Variants in NPAS3 observed in about 807,000 individuals in gnomAD.
NPAS3 encodes the protein neuronal PAS domain-containing protein 3.
NPAS3 carries 14 observed loss-of-function variants against 73.1 expected under a neutral mutation model. The ratio of observed to expected loss-of-function variants is 0.19; its 90% CI spans 0.13 to 0.30. NPAS3 has a LOEUF of 0.30. NPAS3 is among the 10% of genes least tolerant of loss of function. NPAS3 has a pLI of 1.00. For synonymous variants in NPAS3, 620 were observed against 541.5 expected (o/e 1.14, Z -2.01); for missense variants, 1,096 against 1,250.0 (o/e 0.88, Z 1.86).
intron 5 of NPAS3, among the ~76,000 whole-genome samples, chr14:33,612,796 G>T (rs2057792372): frequency 6.6e-6 from 1 of 152,116 alleles, no homozygotes; most frequent in African/African-American, 2.4e-5. Flanking sequence ...TTATCCCATA[G>T]AAACATGTGT....
chr14:33,784,745 A>ATTTTTTTTTTTTATTTTTTTTTT (rs2063103673), intron 9 of NPAS3, among the ~76,000 whole-genome samples: 2 of 73,856 alleles, frequency 2.7e-5, no homozygotes, highest in African/African-American at 1.2e-4. Context: ...TTATTTATTT[A>ATTTTTTTTTTTTATTTTTTTTTT]TTTTTTTTTT....
chr14:33,704,308 T>G (rs1195856531), intron 6 of NPAS3, among the ~76,000 whole-genome samples: 11 of 152,254 alleles, frequency 7.2e-5, no homozygotes, highest in Admixed American at 7.2e-4. Context: ...TTTTAAGTTC[T>G]TGTAACAACA....
intron 7 of NPAS3, among the ~76,000 whole-genome samples, chr14:33,740,468 A>G (rs779002571): frequency 6.6e-6 from 1 of 152,192 alleles, no homozygotes; most frequent in African/African-American, 2.4e-5. Flanking sequence ...ATTGAATTGC[A>G]TGCTCTCTTT....
chr14:33,777,501 T>C (rs910492626), intron 8 of NPAS3, among the ~76,000 whole-genome samples: 2 of 152,052 alleles, frequency 1.3e-5, no homozygotes, highest in African/African-American at 4.8e-5. Flanking sequence ...ATGTGTTTCT[T>C]AAATGTGTCA....
intron 1 of NPAS3, among the ~76,000 whole-genome samples, chr14:32,990,873 G>T (rs1480858624): frequency 2.6e-5 from 4 of 151,870 alleles, no homozygotes; most frequent in Non-Finnish European, 5.9e-5. Flanking sequence ...GCTGCAGTGA[G>T]CTATGATCAT....
At chr14:32,950,081 T>A (rs2036422473) in intron 1 of NPAS3, among the ~76,000 whole-genome samples, 1 of 152,196 alleles carries the variant, frequency 6.6e-6, no homozygotes, top group South Asian at 2.1e-4. Context: ...CCATATGAAC[T>A]TAACATTTAA....
At chr14:33,285,835 A>G (rs540722874) in intron 3 of NPAS3, among the ~76,000 whole-genome samples, 1 of 152,254 alleles carries the variant, frequency 6.6e-6, no homozygotes, top group South Asian at 2.1e-4. Flanking sequence ...AGGAGTCCAA[A>G]TAGAATTGAA....
intron 5 of NPAS3, among the ~76,000 whole-genome samples, chr14:33,663,645 T>C (rs1235715298): frequency 5.3e-5 from 8 of 152,170 alleles, no homozygotes; most frequent in Non-Finnish European, 8.8e-5. Context: ...GTACCTCTGG[T>C]AGAATTCAGC....
chr14:33,790,063 A>G (rs1879919871), intron 9 of NPAS3, among the ~76,000 whole-genome samples: 1 of 152,188 alleles, frequency 6.6e-6, no homozygotes, highest in South Asian at 2.1e-4. Flanking sequence ...CCATATGACA[A>G]GGATGTGATA....
At chr14:33,658,119 A>G (rs1201527484) in intron 5 of NPAS3, among the ~76,000 whole-genome samples, 2 of 152,238 alleles carry the variant, frequency 1.3e-5, no homozygotes, top group African/African-American at 4.8e-5. Flanking sequence ...CACTGTAGAA[A>G]TTGAGGGGAA....
intron 4 of NPAS3, among the ~76,000 whole-genome samples, chr14:33,522,242 G>A (rs1313386450): frequency 1.3e-5 from 2 of 152,090 alleles, no homozygotes; most frequent in African/African-American, 4.8e-5. Context: ...CATTTCAGGG[G>A]ATGAAATATC....
chr14:33,325,350 A>G (rs1158096650), intron 3 of NPAS3, among the ~76,000 whole-genome samples: 1 of 152,072 alleles, frequency 6.6e-6, no homozygotes, highest in Non-Finnish European at 1.5e-5. Flanking sequence ...TTATTTTAAA[A>G]TGTACAATTG....
chr14:33,060,643 A>G (rs553612710), intron 2 of NPAS3, among the ~76,000 whole-genome samples: 1 of 152,266 alleles, frequency 6.6e-6, no homozygotes, highest in South Asian at 2.1e-4. Context: ...CCTTTGTGAA[A>G]TTCATTCCAC....
At chr14:33,398,425 T>C (rs906287455) in intron 4 of NPAS3, among the ~76,000 whole-genome samples, 3 of 143,136 alleles carry the variant, frequency 2.1e-5, no homozygotes, top group Non-Finnish European at 4.7e-5. Flanking sequence ...AAAAAAAAAG[T>C]ACAGGTAAAA....
chr14:33,602,627 G>GT (rs555863780), intron 5 of NPAS3, among the ~76,000 whole-genome samples: 30 of 151,840 alleles, frequency 2.0e-4, no homozygotes, highest in South Asian at 8.3e-4. Context: ...TGTGAGTAAA[G>GT]TTTTTTTTTC....
chr14:32,960,415 A>G (rs977289453), intron 1 of NPAS3, among the ~76,000 whole-genome samples: 4 of 152,182 alleles, frequency 2.6e-5, no homozygotes, highest in African/African-American at 9.7e-5. Flanking sequence ...TTTGAATACA[A>G]ATGGAAGCTA....
At chr14:33,412,583 A>C (rs539091076) in intron 4 of NPAS3, among the ~76,000 whole-genome samples, 2 of 152,294 alleles carry the variant, frequency 1.3e-5, no homozygotes, top group East Asian at 1.9e-4. Flanking sequence ...AATTTATTCC[A>C]AGGTGATTTA....
intron 6 of NPAS3, among the ~76,000 whole-genome samples, chr14:33,716,561 CCT>C (rs149736890): frequency 5.4e-4 from 82 of 152,220 alleles, no homozygotes; most frequent in African/African-American, 1.8e-3. Flanking sequence ...AACCACCACC[CCT>C]GTCTCTAGAA....
In NPAS3 at chr14:33,793,975, G is replaced by C. The variant is rs1177014028; in HGVS notation, c.1232G>C (p.Ser411Thr). ...GGAGGATATATTTGGATACAGTCCA[G>C]TGCCACCATAGCTATTAATGCCAAG... The change falls in exon 10 of 12, where the codon AGT becomes ACT. Residue 411 changes from serine (S) to threonine (T), a missense_variant. Ser to Thr is a moderately conservative substitution (Grantham distance 58). Coordinates refer to ENST00000356141, the Ensembl canonical transcript of NPAS3. 4 of 1,613,528 alleles carry C rather than the reference G, an allele frequency of 2.5e-6. No homozygotes were observed. In the African/African-American group the frequency reaches 5.3e-5, roughly 22 times the overall value.
Sources: gnomAD v4.1 joint callset for allele counts (sites outside exome capture counted in the v4.1 genomes callset) on GRCh38, gnomAD v4.1.1 for gene constraint, MANE v1.5 for transcripts, NCBI Gene and HGNC (gene_info 2026-07-23, HGNC 2026-07-21) for gene names.